Variants in WNK1 observed in about 807,000 individuals in gnomAD.
The protein encoded by WNK1 is WNK lysine deficient protein kinase 1.
A neutral mutation model predicts 222.8 loss-of-function variants in WNK1; 38 were observed. That is an observed-to-expected ratio of 0.17 (90% confidence interval 0.13 to 0.22). WNK1 has a LOEUF of 0.22. WNK1 is among the 10% of genes least tolerant of loss of function. The pLI is 1.00. For missense variants in WNK1, 2,348 were observed against 2,918.4 expected (o/e 0.80, Z 4.50); for synonymous variants, 1,090 against 1,092.9 (o/e 1.00, Z 0.05).
intron 1 of WNK1, among the ~76,000 whole-genome samples, chr12:768,505 G>T (rs1439070018): frequency 1.3e-5 from 2 of 152,078 alleles, no homozygotes; most frequent in Non-Finnish European, 2.9e-5. Context: ...GGAGCATAGA[G>T]ATATTTTGCT....
chr12:856,264 A>G (rs1246218052), intron 4 of WNK1, among the ~76,000 whole-genome samples: 1 of 151,828 alleles, frequency 6.6e-6, no homozygotes, highest in East Asian at 2.0e-4. Context: ...CCTGGCCAAC[A>G]TGGAGAAACC....
chr12:770,526 CATT>C (rs1248634975), intron 1 of WNK1, among the ~76,000 whole-genome samples: 5 of 152,202 alleles, frequency 3.3e-5, no homozygotes, highest in African/African-American at 4.8e-5. Flanking sequence ...ATTTAGCTCA[CATT>C]ATGTTTCTGT....
chr12:824,922 C>G (rs1355627913), intron 2 of WNK1, among the ~76,000 whole-genome samples: 1 of 152,164 alleles, frequency 6.6e-6, no homozygotes, highest in Non-Finnish European at 1.5e-5. Flanking sequence ...CATCCTCCAT[C>G]CATCTTATTC....
chr12:905,123 T>C (rs1318557363), intron 26 of WNK1, among the ~76,000 whole-genome samples: 1 of 152,150 alleles, frequency 6.6e-6, no homozygotes, highest in African/African-American at 2.4e-5. Context: ...AATTTAAAAA[T>C]GAATCTTGGG....
intron 1 of WNK1, among the ~76,000 whole-genome samples, chr12:757,232 A>C (rs539197761): frequency 6.6e-6 from 1 of 151,998 alleles, no homozygotes; most frequent in East Asian, 1.9e-4. Context: ...ATGGTATACA[A>C]ATCAAGCTAT....
chr12:897,232 G>A (rs1238556814), intron 24 of WNK1, among the ~76,000 whole-genome samples: 1 of 152,106 alleles, frequency 6.6e-6, no homozygotes, highest in Non-Finnish European at 1.5e-5. Flanking sequence ...TCAAAAGTCA[G>A]GAAATGTTTT....
intron 20 of WNK1, among the ~76,000 whole-genome samples, chr12:888,415 T>C (rs995317817): frequency 2.6e-5 from 4 of 152,178 alleles, no homozygotes; most frequent in Non-Finnish European, 4.4e-5. Context: ...TAAGGGAGTA[T>C]AAAGTGTGAC....
intron 25 of WNK1, 90 bp from the exon 26 acceptor site, chr12:900,386 G>T: frequency 7.0e-7 from 1 of 1,428,862 alleles, no homozygotes. Context: ...TCATCACTCA[G>T]TGGAACAAAC....
intron 14 of WNK1, 107 bp downstream of exon 14, chr12:882,180 A>G (rs1953221388): frequency 7.7e-7 from 1 of 1,292,916 alleles, no homozygotes; most frequent in African/African-American, 1.5e-5. Context: ...AATAAAGATA[A>G]CTATCTGTGT....
intron 1 of WNK1, among the ~76,000 whole-genome samples, chr12:789,681 C>T (rs925108812): frequency 1.2e-4 from 18 of 152,052 alleles, no homozygotes; most frequent in Non-Finnish European, 1.9e-4. Context: ...TGCCACCAAA[C>T]GCCAGGCTAA....
intron 4 of WNK1, among the ~76,000 whole-genome samples, chr12:840,997 A>G (rs546869752): frequency 2.0e-5 from 3 of 152,396 alleles, no homozygotes; most frequent in South Asian, 4.1e-4. Context: ...TAGTAAGTTT[A>G]ACAGAACCTG....
At chr12:821,871 G>T (rs933345902) in intron 2 of WNK1, among the ~76,000 whole-genome samples, 1 of 151,810 alleles carries the variant, frequency 6.6e-6, no homozygotes, top group Non-Finnish European at 1.5e-5. Context: ...TATTAGCATA[G>T]AATATCATTT....
intron 26 of WNK1, chr12:904,611 C>A: frequency 1.6e-6 from 1 of 643,690 alleles, no homozygotes. Flanking sequence ...TCTCTGTATC[C>A]TATTCTAATA....
chr12:831,537 C>CAA (rs765971109), intron 4 of WNK1, among the ~76,000 whole-genome samples: 2 of 109,054 alleles, frequency 1.8e-5, no homozygotes, highest in Admixed American at 9.6e-5. Context: ...GACTCTGTCT[C>CAA]AAAAAAAAAA....
At chr12:905,284 T>G (rs1054359745) in intron 26 of WNK1, among the ~76,000 whole-genome samples, 10 of 152,198 alleles carry the variant, frequency 6.6e-5, no homozygotes, top group Admixed American at 5.2e-4. Flanking sequence ...TAGGTTTGTT[T>G]CATTCTTTAA....
intron 1 of WNK1, among the ~76,000 whole-genome samples, chr12:792,830 T>A (rs12312315): frequency 0.054 from 8,209 of 152,028 alleles, 431 homozygotes; most frequent in African/African-American, 0.12. Flanking sequence ...TTAAAAAAAA[T>A]ATATATAAAC....
At chr12:775,555 A>AT (rs369659206) in intron 1 of WNK1, among the ~76,000 whole-genome samples, 7 of 152,314 alleles carry the variant, frequency 4.6e-5, no homozygotes, top group Non-Finnish European at 1.0e-4. Flanking sequence ...GCAAAAAAAA[A>AT]TTAACATATT....
At chr12:812,530 A>G (rs1164589092) in intron 1 of WNK1, among the ~76,000 whole-genome samples, 2 of 152,236 alleles carry the variant, frequency 1.3e-5, no homozygotes, top group African/African-American at 4.8e-5. Flanking sequence ...AGAGGCATGT[A>G]CATAGTATCC....
At chr12:767,234 G>GTTTTTTTTTTTTTTTTTTTTTT (rs71051382) in intron 1 of WNK1, among the ~76,000 whole-genome samples, 2 of 70,858 alleles carry the variant, frequency 2.8e-5, no homozygotes, top group African/African-American at 1.3e-4. Context: ...GGGTTGATAG[G>GTTTTTTTTTTTTTTTTTTTTTT]TTTTTTTTTT....
Sources: allele counts gnomAD v4.1 joint callset (sites outside exome capture counted in the v4.1 genomes callset), GRCh38; gene constraint gnomAD v4.1.1; transcripts MANE v1.5; gene names NCBI Gene and HGNC (gene_info 2026-07-23, HGNC 2026-07-21).